Variants in MAGI2 observed in about 807,000 individuals in gnomAD.
The protein encoded by MAGI2 is membrane associated guanylate kinase, WW and PDZ domain containing 2.
A neutral mutation model predicts 133.3 loss-of-function variants in MAGI2; 35 were observed. The ratio of observed to expected loss-of-function variants is 0.26; its 90% CI spans 0.20 to 0.35. MAGI2 has a LOEUF of 0.35. Among genes scored for constraint, MAGI2 ranks in the 10% least tolerant of loss-of-function variants. MAGI2 has a pLI of 1.00. For synonymous variants in MAGI2, 729 were observed against 710.6 expected, an observed-to-expected ratio of 1.03 and a Z score of -0.41; for missense variants, 1,636 against 1,863.4, an observed-to-expected ratio of 0.88 and a Z score of 2.25.
At chr7:78,742,076 G>A (rs575132320) in intron 2 of MAGI2, among the ~76,000 whole-genome samples, 7 of 151,954 alleles carry the variant, frequency 4.6e-5, no homozygotes, top group Non-Finnish European at 7.4e-5. Flanking sequence ...GGGTAGAACC[G>A]TACATGTAGA....
chr7:78,764,458 G>T (rs1368320669), intron 2 of MAGI2, among the ~76,000 whole-genome samples: 6 of 152,102 alleles, frequency 3.9e-5, no homozygotes, highest in Non-Finnish European at 8.8e-5. Context: ...GTGAATAAAA[G>T]GTATTTTTGC....
At chr7:79,341,093 T>C (rs911632492) in intron 1 of MAGI2, among the ~76,000 whole-genome samples, 3 of 152,058 alleles carry the variant, frequency 2.0e-5, no homozygotes, top group Non-Finnish European at 2.9e-5. Flanking sequence ...AAATCTGGAG[T>C]TACATAGAAG....
intron 9 of MAGI2, among the ~76,000 whole-genome samples, chr7:78,317,884 G>A (rs1212819498): frequency 1.3e-5 from 2 of 152,136 alleles, no homozygotes; most frequent in Non-Finnish European, 2.9e-5. Context: ...GGGCCTGACT[G>A]TTAGAAGGAA....
At chr7:78,217,929 G>A (rs1788429122) in intron 10 of MAGI2, among the ~76,000 whole-genome samples, 2 of 152,030 alleles carry the variant, frequency 1.3e-5, no homozygotes, top group South Asian at 4.1e-4. Context: ...AATCTCCTGT[G>A]TATTTACTTA....
At chr7:78,805,394 A>T (rs546502819) in intron 2 of MAGI2, among the ~76,000 whole-genome samples, 2 of 152,240 alleles carry the variant, frequency 1.3e-5, no homozygotes, top group Non-Finnish European at 2.9e-5. Flanking sequence ...ATTTTTAAAT[A>T]TACCTCAATA....
At chr7:78,117,447 G>A (rs538814576) in intron 20 of MAGI2, among the ~76,000 whole-genome samples, 23 of 152,012 alleles carry the variant, frequency 1.5e-4, no homozygotes, top group Middle Eastern at 3.4e-3. Context: ...TATTGTCTAT[G>A]GATGCAGAAA....
At chr7:78,523,905 A>G (rs898415751) in intron 3 of MAGI2, among the ~76,000 whole-genome samples, 2 of 152,158 alleles carry the variant, frequency 1.3e-5, no homozygotes, top group African/African-American at 4.8e-5. Context: ...GAAACAAAGG[A>G]GCCCACTCCA....
intron 1 of MAGI2, among the ~76,000 whole-genome samples, chr7:79,269,714 C>G (rs2129557104): frequency 6.6e-6 from 1 of 152,268 alleles, no homozygotes; most frequent in African/African-American, 2.4e-5. Context: ...GATCTCCAAG[C>G]TGTTTTTGGT....
intron 1 of MAGI2, among the ~76,000 whole-genome samples, chr7:79,011,920 CCTTCCTTTCTTT>C (rs1160207585): frequency 0.019 from 2,315 of 123,220 alleles, 32 homozygotes; most frequent in African/African-American, 0.031. Flanking sequence ...TTCCTTCCTT[CCTTCCTTTCTTT>C]CTTTCTTTCT....
At chr7:78,717,936 C>T (rs760990584) in intron 2 of MAGI2, among the ~76,000 whole-genome samples, 4 of 152,094 alleles carry the variant, frequency 2.6e-5, no homozygotes, top group Non-Finnish European at 5.9e-5. Flanking sequence ...TTACTGACTT[C>T]GTTTTCTACA....
At chr7:78,765,595 C>A (rs1824942544) in intron 2 of MAGI2, among the ~76,000 whole-genome samples, 1 of 151,950 alleles carries the variant, frequency 6.6e-6, no homozygotes, top group African/African-American at 2.4e-5. Flanking sequence ...GATCTGCCCA[C>A]CTCGGCCTCT....
Position 78,700,865 on chromosome 7 carries a change from C to T in MAGI2, c.419-73626G>A, listed in dbSNP as rs182013114. 3.3e-4 allele frequency among the ~76,000 whole-genome samples: 50 copies of T among 151,404 alleles called. No individual in the cohort carries two copies. In the East Asian group the frequency reaches 9.3e-3, roughly 28 times the overall value. ...TCTTAAATACACTCTGTCAAATGGG[C>T]ATAATTTTTACTTAAGCAAATGGAA... On this transcript the variant is annotated intron_variant, in intron 2 of 21. Transcript: ENST00000354212.
intron 2 of MAGI2, among the ~76,000 whole-genome samples, chr7:78,945,728 C>G (rs1801364705): frequency 6.6e-6 from 1 of 152,166 alleles, no homozygotes; most frequent in Admixed American, 6.5e-5. Context: ...CACTTCTGAT[C>G]TTCAGAAGAG....
At chr7:79,202,751 T>A (rs1828721639) in intron 1 of MAGI2, among the ~76,000 whole-genome samples, 1 of 152,002 alleles carries the variant, frequency 6.6e-6, no homozygotes, top group Non-Finnish European at 1.5e-5. Flanking sequence ...ACATTACTCT[T>A]ATTCTCATTC....
intron 2 of MAGI2, among the ~76,000 whole-genome samples, chr7:78,861,422 A>G (rs1458501227): frequency 1.3e-5 from 2 of 152,148 alleles, no homozygotes; most frequent in Non-Finnish European, 2.9e-5. Flanking sequence ...ATTCTTATGG[A>G]TTTAAGGACC....
intron 6 of MAGI2, among the ~76,000 whole-genome samples, chr7:78,382,526 T>C (rs1408898180): frequency 6.6e-6 from 1 of 152,086 alleles, no homozygotes. Context: ...TAAAAACTCA[T>C]TGAGGTTCAA....
chr7:79,449,584 C>T (rs1157733365), intron 1 of MAGI2, among the ~76,000 whole-genome samples: 1 of 151,778 alleles, frequency 6.6e-6, no homozygotes, highest in East Asian at 1.9e-4. Context: ...ATCTCAACAT[C>T]ACTCAAAAAA....
intron 21 of MAGI2, among the ~76,000 whole-genome samples, chr7:78,026,562 T>C (rs1808938793): frequency 6.6e-6 from 1 of 152,226 alleles, no homozygotes; most frequent in Non-Finnish European, 1.5e-5. Flanking sequence ...ATGGTTCATT[T>C]GCATCTGTTC....
At chr7:78,938,325 C>T (rs942698250) in intron 2 of MAGI2, among the ~76,000 whole-genome samples, 8 of 151,854 alleles carry the variant, frequency 5.3e-5, no homozygotes, top group Non-Finnish European at 8.8e-5. Flanking sequence ...TATTATATAA[C>T]GATTCAAAGT....
Sources: gnomAD v4.1 joint callset for allele counts (sites outside exome capture counted in the v4.1 genomes callset) on GRCh38, gnomAD v4.1.1 for gene constraint, MANE v1.5 for transcripts, NCBI Gene and HGNC (gene_info 2026-07-23, HGNC 2026-07-21) for gene names.